Variants in GADL1 observed in about 807,000 individuals in gnomAD.
GADL1 encodes acidic amino acid decarboxylase GADL1.
A neutral mutation model predicts 69.5 loss-of-function variants in GADL1; 71 were observed. The observed-to-expected ratio is 1.02, with a 90% CI of 0.84 to 1.25. GADL1 has a LOEUF of 1.25. GADL1 is among the 50% of genes most tolerant of loss of function. The pLI, the probability that GADL1 is intolerant of heterozygous loss-of-function variation, is 0.00. For missense variants in GADL1, 737 were observed against 631.8 expected, an observed-to-expected ratio of 1.17 and a Z score of -1.79; for synonymous variants, 254 against 214.4, an observed-to-expected ratio of 1.18 and a Z score of -1.62.
intron 6 of GADL1, among the ~76,000 whole-genome samples, chr3:30,847,338 G>A (rs1014582876): frequency 6.6e-6 from 1 of 152,162 alleles, no homozygotes; most frequent in Non-Finnish European, 1.5e-5. Flanking sequence ...ACTGGATGGT[G>A]CAAGATAGAA....
intron 8 of GADL1, among the ~76,000 whole-genome samples, chr3:30,842,821 TTA>T (rs1491146621): frequency 6.0e-5 from 4 of 66,462 alleles, no homozygotes; most frequent in South Asian, 1.0e-3. Flanking sequence ...ATTGGAATGT[TTA>T]AAAAAAAAAA....
intron 11 of GADL1, among the ~76,000 whole-genome samples, chr3:30,810,100 G>T (rs978906843): frequency 2.0e-5 from 3 of 152,070 alleles, no homozygotes; most frequent in African/African-American, 7.2e-5. Flanking sequence ...TTGTTGTCTT[G>T]CCATTTTGAC....
chr3:30,805,018 A>G (rs889270766), intron 11 of GADL1, among the ~76,000 whole-genome samples: 1 of 152,222 alleles, frequency 6.6e-6, no homozygotes, highest in Non-Finnish European at 1.5e-5. Context: ...GAAGCCAATG[A>G]CAAGCACAGA....
intron 8 of GADL1, 108 bp from the exon 9 acceptor site, chr3:30,839,221 T>C: frequency 1.5e-6 from 1 of 656,200 alleles, no homozygotes; most frequent in Non-Finnish European, 2.5e-6. Flanking sequence ...ATTTGGGTTT[T>C]TTGGAGGTAG....
chr3:30,775,948 G>C (rs957510772), intron 14 of GADL1, among the ~76,000 whole-genome samples: 9 of 152,148 alleles, frequency 5.9e-5, no homozygotes, highest in Admixed American at 5.2e-4. Context: ...AGCTAAGCAT[G>C]ATGGTGGGTG....
chr3:30,818,874 C>G (rs1697521856), intron 11 of GADL1, among the ~76,000 whole-genome samples: 1 of 152,126 alleles, frequency 6.6e-6, no homozygotes, highest in African/African-American at 2.4e-5. Context: ...TGAATATCTG[C>G]TATGGCCTCT....
intron 14 of GADL1, among the ~76,000 whole-genome samples, chr3:30,777,656 T>A (rs532141859): frequency 6.6e-6 from 1 of 151,920 alleles, no homozygotes; most frequent in Non-Finnish European, 1.5e-5. Flanking sequence ...CCAACAGCTG[T>A]GTGTGAAGAC....
At chr3:30,890,360 A>C (rs1429102167) in intron 1 of GADL1, among the ~76,000 whole-genome samples, 1 of 152,218 alleles carries the variant, frequency 6.6e-6, no homozygotes, top group Non-Finnish European at 1.5e-5. Context: ...GATGTGTTCC[A>C]TACCCTCATA....
intron 11 of GADL1, among the ~76,000 whole-genome samples, chr3:30,809,006 T>C (rs1697307700): frequency 6.6e-6 from 1 of 152,320 alleles, no homozygotes; most frequent in South Asian, 2.1e-4. Flanking sequence ...GTGTGCTTCA[T>C]ATACTCAACT....
intron 11 of GADL1, among the ~76,000 whole-genome samples, chr3:30,816,525 G>GTTTTTTT (rs1559507818): frequency 2.5e-5 from 1 of 40,754 alleles, no homozygotes; most frequent in Non-Finnish European, 6.5e-5. Flanking sequence ...TTCTTAATTT[G>GTTTTTTT]TTTTCTTTTT....
intron 11 of GADL1, among the ~76,000 whole-genome samples, chr3:30,810,123 C>A (rs1448780270): frequency 6.6e-6 from 1 of 152,130 alleles, no homozygotes; most frequent in Non-Finnish European, 1.5e-5. Context: ...CTCCTTTCCT[C>A]GAGTTTATTT....
chr3:30,774,973 GAC>G (rs1696499934), intron 14 of GADL1, among the ~76,000 whole-genome samples: 1 of 152,078 alleles, frequency 6.6e-6, no homozygotes, highest in Admixed American at 6.6e-5. Context: ...CCAGAAAAGA[GAC>G]AAATACAATC....
At chr3:30,740,590 T>C (rs1263737075) in intron 14 of GADL1, among the ~76,000 whole-genome samples, 2 of 152,124 alleles carry the variant, frequency 1.3e-5, no homozygotes. Context: ...CAAAACACTA[T>C]CACCTTCCCC....
At chr3:30,761,790 C>G (rs1219301952) in intron 14 of GADL1, among the ~76,000 whole-genome samples, 1 of 152,000 alleles carries the variant, frequency 6.6e-6, no homozygotes, top group Non-Finnish European at 1.5e-5. Context: ...CTAGAGCATC[C>G]CCTCCACCTA....
chr3:30,787,383 T>C (rs545251285), intron 12 of GADL1, among the ~76,000 whole-genome samples: 31 of 152,296 alleles, frequency 2.0e-4, no homozygotes, highest in Non-Finnish European at 4.1e-4. Context: ...CTATATAATA[T>C]TGACTCCTCT....
chr3:30,812,990 G>GA (rs2125513558), intron 11 of GADL1, among the ~76,000 whole-genome samples: 1 of 152,220 alleles, frequency 6.6e-6, no homozygotes, highest in South Asian at 2.1e-4. Flanking sequence ...AAAGCCAAGA[G>GA]AAAATGCAGT....
chr3:30,820,736 A>T (rs1697560944), intron 11 of GADL1, among the ~76,000 whole-genome samples: 1 of 152,058 alleles, frequency 6.6e-6, no homozygotes, highest in African/African-American at 2.4e-5. Context: ...ACTGTAAACT[A>T]GTTCAACCAT....
At chr3:30,804,868 C>T (rs1234458380) in intron 11 of GADL1, among the ~76,000 whole-genome samples, 1 of 152,180 alleles carries the variant, frequency 6.6e-6, no homozygotes, top group African/African-American at 2.4e-5. Context: ...ACCTCACTAT[C>T]TTATATGAAC....
intron 11 of GADL1, among the ~76,000 whole-genome samples, chr3:30,823,977 A>G (rs1464322892): frequency 6.6e-6 from 1 of 151,848 alleles, no homozygotes; most frequent in Non-Finnish European, 1.5e-5. Flanking sequence ...AATAGAGAGT[A>G]AGAAGAAAAG....
Sources: gnomAD v4.1 joint callset for allele counts (sites outside exome capture counted in the v4.1 genomes callset) on GRCh38, gnomAD v4.1.1 for gene constraint, MANE v1.5 for transcripts, NCBI Gene and HGNC (gene_info 2026-07-23, HGNC 2026-07-21) for gene names.